Variants in WRN observed in about 807,000 individuals in gnomAD.
WRN encodes the protein WRN RecQ like helicase.
Under a neutral mutation model 180.7 loss-of-function variants are expected in WRN, and 149 were observed. The ratio of observed to expected loss-of-function variants is 0.82; its 90% confidence interval spans 0.72 to 0.94. The LOEUF (loss-of-function observed/expected upper bound fraction) is 0.94. WRN is among the 40% of genes least tolerant of loss of function. The pLI, the probability that WRN is intolerant of heterozygous loss-of-function variation, is 0.00. For missense variants in WRN, 1,661 were observed against 1,700.1 expected, an observed-to-expected ratio of 0.98 and a Z score of 0.40; for synonymous variants, 548 against 568.9, an observed-to-expected ratio of 0.96 and a Z score of 0.52.
chr8:31,174,795 C>CCTT lies in WRN; in HGVS notation c.*1694_*1695insTTC, dbSNP rs1554540156. On this transcript the variant is annotated 3_prime_UTR_variant, in exon 35 of 35. Transcript: ENST00000298139. ...CTCTTTCCTTCCTTCCCTTCCCTTC[C>CCTT]CCTTCCTTCCTTCCTTCCTTCCTTC... Among the ~76,000 whole-genome samples the CCTT allele has an allele frequency of 3.2e-4, 24 of 74,612 alleles. No individual in the cohort carries two copies. Among genetic ancestry groups the CCTT allele is most frequent in the Middle Eastern group, 8.3e-3 (1 of 120 alleles). 48.9% of individuals were successfully genotyped at this position (74,612 alleles called of 152,430 possible). A position where few individuals can be genotyped will look rare whatever the true frequency, so the allele number is the denominator to read the frequency against.
rs11574302 is a variant in WRN, at chr8:31,116,126, C to T, written c.2274-228C>T. On this transcript the variant is annotated intron_variant, in intron 19 of 34. Coordinates refer to ENST00000298139, the MANE Select transcript of WRN (RefSeq NM_000553.6). ...GTTTTAGCTTTAATTTGAACTGAAACAGTCAAAACTGAGTTTTGGGGACTT... is the reference window on the plus strand; with the variant it reads ...GTTTTAGCTTTAATTTGAACTGAAATAGTCAAAACTGAGTTTTGGGGACTT... Among the ~76,000 whole-genome samples, 9,538 of 152,174 alleles carry T rather than the reference C, an allele frequency of 0.063. 332 individuals are homozygous for T. The highest frequency in any genetic ancestry group is 0.07 in the African/African-American group (2,894 of 41,518).
intron 19 of WRN, among the ~76,000 whole-genome samples, chr8:31,112,945 C>T (rs1417926636): frequency 2.6e-5 from 4 of 152,038 alleles, no homozygotes; most frequent in Admixed American, 6.5e-5. Context: ...GTGTCTCACA[C>T]CCAGAATCCC....
intron 26 of WRN, 108 bp from the exon 27 acceptor site, chr8:31,142,518 C>T (rs1307185678): frequency 2.4e-6 from 2 of 835,506 alleles, no homozygotes; most frequent in African/African-American, 3.5e-5. Flanking sequence ...ATCACCAGTT[C>T]TAAAAGGGTA....
rs1361500687 is a variant in WRN at position 31,148,676 on chromosome 8, GTCTTTCATGA to G, written c.3572+1205_3572+1214del. Among the ~76,000 whole-genome samples, 3 of 152,156 alleles carry G rather than the reference GTCTTTCATGA, an allele frequency of 2.0e-5. No homozygotes were observed. The South Asian group carries it at 6.2e-4, about 32-fold the overall frequency. On this transcript the variant is annotated intron_variant, in intron 30 of 34. Transcript: ENST00000298139. ...TTATTACTGTAAAGACTATGAGAAG[GTCTTTCATGA>G]TCTTATCAGCAAAGTAATTCCTCTC...
intron 9 of WRN, among the ~76,000 whole-genome samples, chr8:31,082,550 C>T (rs562944057): frequency 7.9e-4 from 120 of 152,140 alleles, no homozygotes; most frequent in Admixed American, 1.4e-3. Flanking sequence ...ATTAGGTATA[C>T]ACTTTAAGTG....
At chr8:31,103,490 T>C (rs900286536) in intron 18 of WRN, among the ~76,000 whole-genome samples, 2 of 152,160 alleles carry the variant, frequency 1.3e-5, no homozygotes, top group Non-Finnish European at 2.9e-5. Context: ...TCAGCTCCAT[T>C]ATAATCTTAT....
intron 30 of WRN, among the ~76,000 whole-genome samples, chr8:31,147,785 A>T (rs1485397482): frequency 6.6e-6 from 1 of 151,884 alleles, no homozygotes; most frequent in African/African-American, 2.4e-5. Flanking sequence ...TTATCTTACC[A>T]TCACATTTGT....
Position 31,174,549 on chromosome 8 carries a change from A to G in WRN, c.*1447A>G, listed in dbSNP as rs1279393468. 3.3e-5 allele frequency among the ~76,000 whole-genome samples: 5 copies of G among 152,352 alleles called. No homozygotes were observed. The highest frequency in any genetic ancestry group is 3.4e-3 in the Middle Eastern group (1 of 294). Reference sequence around the variant, plus strand: ...GAAAACAACTGGTATTTGTTGTGCCAATGATAAAATTGGAGATTTCTAGCA... The same window carrying G: ...GAAAACAACTGGTATTTGTTGTGCCGATGATAAAATTGGAGATTTCTAGCA... On this transcript the variant is annotated 3_prime_UTR_variant, in exon 35 of 35. Transcript: ENST00000298139.
rs772637078 is a variant in WRN at position 31,067,077 on chromosome 8, C to T, written c.549C>T (p.His183=). 4 of 1,613,936 alleles carry T rather than the reference C, an allele frequency of 2.5e-6. No homozygotes were observed. In the South Asian group the frequency reaches 3.3e-5, roughly 13 times the overall value. The change falls in exon 6 of 35, where the codon CAC becomes CAT. Residue 183 remains histidine, a synonymous_variant. Coordinates refer to ENST00000298139, the MANE Select transcript of WRN (RefSeq NM_000553.6). The part of the protein sequence containing the change: ...ETWSLNSLVK[H]LLGKQLLKDK... ...GGAGCCTTAACAGTCTGGTTAAACA[C>T]CTCTTAGGTAAACAGCTCCTGAAAG... is the stretch of plus-strand genomic sequence containing the variant.
chr8:31,102,531 T>C (rs569249007), intron 18 of WRN, among the ~76,000 whole-genome samples: 1 of 152,334 alleles, frequency 6.6e-6, no homozygotes, highest in East Asian at 1.9e-4. Context: ...CCTGTACAGA[T>C]GTTACTGTAA....
Position 31,074,146 on chromosome 8 carries a change from C to T in WRN, c.725-2027C>T, listed in dbSNP as rs1210275528. Among the ~76,000 whole-genome samples the T allele has an allele frequency of 4.6e-5, 7 of 151,106 alleles. No homozygotes were observed. The South Asian group carries it at 8.4e-4, about 18-fold the overall frequency. ...TTCACCATGTTAGCCAGGTTGGTCT[C>T]GATCTCCTGACCTCGTGATCCACCC... is the stretch of plus-strand genomic sequence containing the variant. On this transcript the variant is annotated intron_variant, in intron 7 of 34. Transcript: ENST00000298139.
rs3056744 is a variant in WRN at position 31,071,045 on chromosome 8, G to GA, written c.724+2736dup. Among the ~76,000 whole-genome samples, 779 of 117,762 alleles carry GA rather than the reference G, an allele frequency of 6.6e-3. 8 individuals carry two copies. Among genetic ancestry groups the GA allele is most frequent in the African/African-American group, 0.023 (673 of 29,560 alleles). The allele number at this position is 117,762 out of a possible 152,430, so 77.3% of individuals were successfully genotyped here. On this transcript the variant is annotated intron_variant, in intron 7 of 34. Transcript: ENST00000298139. ...TGCACAAGAGCGAGACTCTGTCTCAGAAAAAAAAAAAAAAAAAAGTTAGCT... is the reference window on the plus strand; with the variant it reads ...TGCACAAGAGCGAGACTCTGTCTCAGAAAAAAAAAAAAAAAAAAAGTTAGCT...
At chr8:31,136,169 T>A (rs1449758078) in intron 24 of WRN, among the ~76,000 whole-genome samples, 1 of 152,134 alleles carries the variant, frequency 6.6e-6, no homozygotes, top group Non-Finnish European at 1.5e-5. Flanking sequence ...CCAGCTAACT[T>A]TTTTGTAGAG....
At chr8:31,059,553 A>C (rs1450743923) in intron 3 of WRN, among the ~76,000 whole-genome samples, 2 of 152,106 alleles carry the variant, frequency 1.3e-5, no homozygotes, top group African/African-American at 4.8e-5. Flanking sequence ...TTTAACTTTC[A>C]GTACTTAAGA....
chr8:31,169,682 T>G (rs1228528445), intron 34 of WRN, among the ~76,000 whole-genome samples: 1 of 152,216 alleles, frequency 6.6e-6, no homozygotes. Context: ...CACATCTGTC[T>G]CTAATGTTTT....
At chr8:31,120,463 T>TG (rs775539586) in intron 21 of WRN, 39 bp downstream of exon 21, 1 of 1,579,892 alleles carries the variant, frequency 6.3e-7, no homozygotes, top group South Asian at 1.1e-5. Flanking sequence ...GCAGATTTCT[T>TG]TCTTTCTTTC....
intron 34 of WRN, among the ~76,000 whole-genome samples, chr8:31,169,322 T>C (rs929194345): frequency 1.3e-5 from 2 of 151,656 alleles, no homozygotes; most frequent in Non-Finnish European, 2.9e-5. Flanking sequence ...TTTTTAGATT[T>C]AAAAATTCTT....
chr8:31,141,899 T>A, intron 26 of WRN, 124 bp downstream of exon 26: 1 of 942,070 alleles, frequency 1.1e-6, no homozygotes, highest in Non-Finnish European at 1.7e-6. Flanking sequence ...TTTGTATGCC[T>A]ATTTTAGTCA....
intron 11 of WRN, among the ~76,000 whole-genome samples, chr8:31,086,962 A>G (rs1813556896): frequency 6.6e-6 from 1 of 152,208 alleles, no homozygotes; most frequent in South Asian, 2.1e-4. Flanking sequence ...TATTTTAAAC[A>G]TGCATTCTAA....
Sources: gnomAD v4.1 joint callset for allele counts (sites outside exome capture counted in the v4.1 genomes callset) on GRCh38, gnomAD v4.1.1 for gene constraint, MANE v1.5 for transcripts, NCBI Gene and HGNC (gene_info 2026-07-23, HGNC 2026-07-21) for gene names.